Variants in TBC1D5 observed in about 807,000 individuals in gnomAD.
TBC1D5 encodes the protein TBC1 domain family, member 5.
In TBC1D5, 75 loss-of-function variants were observed where a neutral mutation model predicts 100.3. That is an observed-to-expected ratio of 0.75 (90% CI 0.62 to 0.91). The LOEUF (loss-of-function observed/expected upper bound fraction) is 0.91. Among genes scored for constraint, TBC1D5 ranks in the 40% least tolerant of loss-of-function variants. TBC1D5 has a pLI of 0.00. For synonymous variants in TBC1D5, 323 were observed against 325.6 expected, an observed-to-expected ratio of 0.99 and a Z score of 0.09; for missense variants, 910 against 942.4, an observed-to-expected ratio of 0.97 and a Z score of 0.45.
intron 3 of TBC1D5, among the ~76,000 whole-genome samples, chr3:17,475,333 T>A (rs1382998666): frequency 6.6e-6 from 1 of 152,022 alleles, no homozygotes; most frequent in Non-Finnish European, 1.5e-5. Flanking sequence ...GACGTCACCA[T>A]ACAAGGCAAA....
chr3:17,540,767 C>T (rs1445185083), intron 2 of TBC1D5, among the ~76,000 whole-genome samples: 2 of 151,602 alleles, frequency 1.3e-5, no homozygotes, highest in Admixed American at 1.3e-4. Flanking sequence ...ATTAGCCGGG[C>T]ATGATGGTGG....
intron 1 of TBC1D5, among the ~76,000 whole-genome samples, chr3:17,655,337 A>AG (rs1200649660): frequency 6.6e-6 from 1 of 151,308 alleles, no homozygotes; most frequent in Non-Finnish European, 1.5e-5. Flanking sequence ...GGATAGCTTT[A>AG]GGAGATATAC....
chr3:17,280,634 A>G (rs1237338339), intron 15 of TBC1D5, among the ~76,000 whole-genome samples: 1 of 152,168 alleles, frequency 6.6e-6, no homozygotes, highest in Non-Finnish European at 1.5e-5. Flanking sequence ...GGGGAAGATC[A>G]TCTTCCTGCT....
intron 3 of TBC1D5, among the ~76,000 whole-genome samples, chr3:17,451,723 G>C (rs754032815): frequency 6.6e-6 from 1 of 152,132 alleles, no homozygotes; most frequent in East Asian, 1.9e-4. Context: ...GTATACCTAT[G>C]TAACAAACCT....
chr3:17,277,327 T>C (rs144490177), intron 15 of TBC1D5, among the ~76,000 whole-genome samples: 2 of 152,344 alleles, frequency 1.3e-5, no homozygotes, highest in Non-Finnish European at 2.9e-5. Flanking sequence ...ACTGGCTCTT[T>C]TGACAGGTTT....
At chr3:17,703,452 T>C (rs1453102725) in intron 1 of TBC1D5, among the ~76,000 whole-genome samples, 1 of 152,166 alleles carries the variant, frequency 6.6e-6, no homozygotes, top group Non-Finnish European at 1.5e-5. Flanking sequence ...ATATACTTTA[T>C]AAGTAGATTT....
At chr3:17,539,971 G>A (rs2096332219) in intron 2 of TBC1D5, among the ~76,000 whole-genome samples, 1 of 152,152 alleles carries the variant, frequency 6.6e-6, no homozygotes, top group South Asian at 2.1e-4. Context: ...CAGTGCACAA[G>A]GGTTCCAATT....
At chr3:17,686,502 T>C (rs1010074161) in intron 1 of TBC1D5, among the ~76,000 whole-genome samples, 1 of 152,116 alleles carries the variant, frequency 6.6e-6, no homozygotes, top group Admixed American at 6.6e-5. Flanking sequence ...TCTTAGTGAA[T>C]TCTCACAACA....
chr3:17,381,882 T>C (rs1203424085), intron 9 of TBC1D5, among the ~76,000 whole-genome samples: 1 of 152,082 alleles, frequency 6.6e-6, no homozygotes, highest in Non-Finnish European at 1.5e-5. Context: ...TTTAATGGTT[T>C]TTCCAGACGG....
chr3:17,290,854 A>T (rs765862678), intron 15 of TBC1D5, among the ~76,000 whole-genome samples: 16 of 152,234 alleles, frequency 1.1e-4, no homozygotes, highest in Non-Finnish European at 1.9e-4. Context: ...TGTGTAAGAG[A>T]AATGATATGA....
rs1689280070 is a variant in TBC1D5, at chr3:17,269,722, C to T, written c.1246-11131G>A. On this transcript the variant is annotated intron_variant, in intron 15 of 21. Transcript: ENST00000253692. ...TCAGTTGAACCCAAGATATAGCTCC[C>T]ATTTGTAAGTGAGAACATGTGATAA... is the stretch of plus-strand genomic sequence containing the variant. Among the ~76,000 whole-genome samples, 7 of 152,010 alleles carry T rather than the reference C, an allele frequency of 4.6e-5. No homozygotes were observed. In the South Asian group the frequency reaches 1.5e-3, roughly 32 times the overall value.
chr3:17,200,305 A>C (rs1206564430), intron 18 of TBC1D5, among the ~76,000 whole-genome samples: 1 of 152,232 alleles, frequency 6.6e-6, no homozygotes, highest in African/African-American at 2.4e-5. Context: ...CCCGGGCTAC[A>C]GACCAGTAGT....
intron 16 of TBC1D5, among the ~76,000 whole-genome samples, chr3:17,255,522 C>A (rs575674311): frequency 2.0e-5 from 3 of 152,206 alleles, no homozygotes; most frequent in Non-Finnish European, 4.4e-5. Flanking sequence ...TCTTACTGAA[C>A]TGCCTAAATT....
At position 17,616,717 on chromosome 3, in the gene TBC1D5, C is replaced by T. The variant is rs192644772; in HGVS notation, c.-36+7132G>A. ...CAGAGACTAGGATTGCAACCCCTGC[C>T]TTTTTTTGCTTTCCATTTGCTTGGT... is the stretch of plus-strand genomic sequence containing the variant. On this transcript the variant is annotated intron_variant, in intron 2 of 21. Transcript: ENST00000253692. Among the ~76,000 whole-genome samples the T allele has an allele frequency of 5.0e-3, 761 of 152,020 alleles. 3 individuals carry two copies. Among genetic ancestry groups the T allele is most frequent in the African/African-American group, 0.017 (704 of 41,490 alleles).
intron 14 of TBC1D5, among the ~76,000 whole-genome samples, chr3:17,296,999 A>G (rs946603983): frequency 2.6e-5 from 4 of 152,266 alleles, no homozygotes; most frequent in African/African-American, 9.6e-5. Context: ...AAGCAATAAC[A>G]TAAGAGATCT....
chr3:17,195,754 CTTT>C (rs35636355), intron 18 of TBC1D5, among the ~76,000 whole-genome samples: 2,258 of 144,490 alleles, frequency 0.016, 63 homozygotes, highest in African/African-American at 0.049. Flanking sequence ...ATATTTCTTT[CTTT>C]TTTTTTTTTT....
chr3:17,689,152 C>G (rs2070732532), intron 1 of TBC1D5, among the ~76,000 whole-genome samples: 1 of 152,060 alleles, frequency 6.6e-6, no homozygotes, highest in Admixed American at 6.5e-5. Context: ...AAAAGACATT[C>G]AAAGCTACTA....
At chr3:17,627,672 G>T (rs1471069359) in intron 1 of TBC1D5, among the ~76,000 whole-genome samples, 11 of 144,884 alleles carry the variant, frequency 7.6e-5, no homozygotes, top group African/African-American at 1.0e-4. Flanking sequence ...TTTTTTTTTT[G>T]AGAGAGAGAG....
At chr3:17,317,344 C>T (rs762446000) in intron 13 of TBC1D5, among the ~76,000 whole-genome samples, 1 of 151,988 alleles carries the variant, frequency 6.6e-6, no homozygotes, top group Non-Finnish European at 1.5e-5. Context: ...CACAAGAAGG[C>T]AGGGAGAGAC....
Sources: gnomAD v4.1 joint callset for allele counts (sites outside exome capture counted in the v4.1 genomes callset) on GRCh38, gnomAD v4.1.1 for gene constraint, MANE v1.5 for transcripts, NCBI Gene and HGNC (gene_info 2026-07-23, HGNC 2026-07-21) for gene names.